The following APOL6 variants were observed in gnomAD, a reference collection of about 807,000 sequenced individuals.
APOL6 encodes apolipoprotein L6, also known as apolipoprotein L, 6.
APOL6 carries 1 observed loss-of-function variant against 2.4 expected under a neutral mutation model. The observed-to-expected ratio is 0.41, with a 90% CI of 0.15 to 1.94. APOL6 has a LOEUF of 1.94. Among genes scored for constraint, APOL6 ranks in the 30% most tolerant of loss-of-function variants. The probability of loss-of-function intolerance (pLI) is 0.30; values close to 1 mark genes in which losing one functional copy is unlikely to be tolerated. For missense variants in APOL6, 438 were observed against 429.2 expected (o/e 1.02, Z -0.18); for synonymous variants, 189 against 169.3 (o/e 1.12, Z -0.90).
At chr22:35,651,204 C>T (rs1305216516) in intron 1 of APOL6, among the ~76,000 whole-genome samples, 4 of 152,162 alleles carry the variant, frequency 2.6e-5, no homozygotes, top group African/African-American at 9.7e-5. Context: ...AAACAACAGA[C>T]ATTTAGTGTC....
intron 1 of APOL6, among the ~76,000 whole-genome samples, chr22:35,650,767 T>C (rs897298110): frequency 6.6e-6 from 1 of 151,960 alleles, no homozygotes; most frequent in Admixed American, 6.6e-5. Flanking sequence ...CCATCTCTAC[T>C]AAAAATACAA....
intron 2 of APOL6, among the ~76,000 whole-genome samples, chr22:35,658,201 C>G (rs1009420384): frequency 1.1e-4 from 16 of 152,114 alleles, no homozygotes; most frequent in African/African-American, 3.9e-4. Flanking sequence ...ACCACCTTGT[C>G]TTCTCTTTCT....
At position 35,661,521 on chromosome 22, in the gene APOL6, G is replaced by A. The variant is rs1164781729; in HGVS notation, c.*1925G>A. 6.6e-6 allele frequency: 1 copy of A among 152,150 alleles called. No homozygotes were observed. Among genetic ancestry groups the A allele is most frequent in the Non-Finnish European group, 1.5e-5 (1 of 68,040 alleles). The allele number at this position is 152,150 out of a possible 1,614,324, so 9.4% of individuals were successfully genotyped here. The stretch of plus-strand genomic sequence containing the variant: ...ATGGCATAGCCTACTGCATACCTAG[G>A]CTATATGGGAGAGCCTATTGCTCCC... On this transcript the variant is annotated 3_prime_UTR_variant, in exon 3 of 3. Coordinates refer to ENST00000409652, the MANE Select transcript of APOL6 (RefSeq NM_030641.4).
At chr22:35,651,548 TC>T (rs1164799665) in intron 1 of APOL6, among the ~76,000 whole-genome samples, 1 of 145,380 alleles carries the variant, frequency 6.9e-6, no homozygotes, top group Non-Finnish European at 1.5e-5. Context: ...CCCTCCCCAC[TC>T]CCCCCACCCC....
intron 1 of APOL6, among the ~76,000 whole-genome samples, chr22:35,649,727 C>T (rs1191614123): frequency 1.3e-5 from 2 of 151,664 alleles, no homozygotes; most frequent in East Asian, 3.9e-4. Flanking sequence ...GCCCTGCATC[C>T]CATAGGACTA....
At chr22:35,653,309 G>C (rs1252616920) in intron 1 of APOL6, among the ~76,000 whole-genome samples, 2 of 152,106 alleles carry the variant, frequency 1.3e-5, no homozygotes, top group Non-Finnish European at 2.9e-5. Context: ...TGAGACAATG[G>C]GGTTTTCTAG....
At position 35,659,358 on chromosome 22, in the gene APOL6, C is replaced by T. The variant is rs1423636635; in HGVS notation, c.794C>T (p.Thr265Ile). The T allele has an allele frequency of 6.2e-6, 10 of 1,613,810 alleles. No individual in the cohort carries two copies. Among genetic ancestry groups the T allele is most frequent in the Non-Finnish European group, 7.6e-6 (9 of 1,179,942 alleles). ...EWKHLKEGAR[T>I]KFAEELRAKA... ...AAGCACCTGAAGGAAGGAGCAAGGACAAAGTTTGCGGAAGAGTTGAGAGCC... is the reference window on the plus strand; with the variant it reads ...AAGCACCTGAAGGAAGGAGCAAGGATAAAGTTTGCGGAAGAGTTGAGAGCC... The change falls in exon 3 of 3, where the codon ACA (threonine) becomes ATA (isoleucine). Residue 265 changes from threonine (T) to isoleucine (I), a missense_variant. Thr to Ile is a moderately conservative substitution (Grantham distance 89, BLOSUM62 -1). Coordinates refer to ENST00000409652, the MANE Select transcript of APOL6 (RefSeq NM_030641.4).
chr22:35,665,750 C>G lies in APOL6; in HGVS notation c.*6154C>G. On this transcript the variant is annotated 3_prime_UTR_variant, in exon 3 of 3. Coordinates refer to ENST00000409652, the MANE Select transcript of APOL6 (RefSeq NM_030641.4). ...TTGTTTAGAAAGTTAAGTCACCTCT[C>G]TCAAAGAATGAAGGTTTTTGCTTTT... 1 of 152,192 alleles carries G rather than the reference C, an allele frequency of 6.6e-6. No homozygotes were observed. Among genetic ancestry groups the G allele is most frequent in the East Asian group, 1.9e-4 (1 of 5,202 alleles). 9.4% of individuals were successfully genotyped at this position (152,192 alleles called of 1,614,324 possible). A position where few individuals can be genotyped will look rare whatever the true frequency, so the allele number is the denominator to read the frequency against.
Position 35,666,648 on chromosome 22 carries a change from C to A in APOL6, c.*7052C>A, listed in dbSNP as rs1327791636. 6.6e-6 allele frequency: 1 copy of A among 152,098 alleles called. No homozygotes were observed. Among genetic ancestry groups the A allele is most frequent in the Non-Finnish European group, 1.5e-5 (1 of 68,040 alleles). 9.4% of individuals were successfully genotyped at this position (152,098 alleles called of 1,614,324 possible). On this transcript the variant is annotated 3_prime_UTR_variant, in exon 3 of 3. Transcript: ENST00000409652. Reference sequence around the variant, plus strand: ...AACAGGTGCTCTTACATGCAGGTTTCTGATAACTTTGGAGATTGTGACATC... The same window carrying A: ...AACAGGTGCTCTTACATGCAGGTTTATGATAACTTTGGAGATTGTGACATC...
rs753366134 is a variant in APOL6, at chr22:35,658,637, T to C, written c.73T>C (p.Cys25Arg). ...LQRDEDDAPL[C>R]EDVELQDGDL... ...CAGGGATGAGGATGACGCTCCTCTG[T>C]GTGAAGACGTGGAGCTACAAGACGG... Residue 25 changes from cysteine (C) to arginine (R), a missense_variant, in exon 3 of 3, where the codon TGT becomes CGT. Cys to Arg is a radical substitution (Grantham distance 180). Coordinates refer to ENST00000409652, the MANE Select transcript of APOL6 (RefSeq NM_030641.4). 6.2e-7 allele frequency: 1 copy of C among 1,613,024 alleles called. No individual in the cohort carries two copies. Among genetic ancestry groups the C allele is most frequent in the Non-Finnish European group, 8.5e-7 (1 of 1,179,424 alleles).
chr22:35,654,521 ACTCTCT>A (rs35425813), intron 1 of APOL6, among the ~76,000 whole-genome samples: 3,947 of 147,752 alleles, frequency 0.027, 88 homozygotes, highest in African/African-American at 0.051. Context: ...GGGGATAAGA[ACTCTCT>A]CTCTCTCTCT....
rs547755830 is a variant in APOL6, at chr22:35,660,517, A to T, written c.*921A>T. On this transcript the variant is annotated 3_prime_UTR_variant, in exon 3 of 3. Coordinates refer to ENST00000409652, the MANE Select transcript of APOL6 (RefSeq NM_030641.4). ...TTGTTATAGCAACCAAAGATGACTA[A>T]GCCAGACAGGTTATGTCACTCGCCA... The T allele has an allele frequency of 6.6e-6, 1 of 152,392 alleles. No homozygotes were observed. Among genetic ancestry groups the T allele is most frequent in the Admixed American group, 6.5e-5 (1 of 15,310 alleles). The allele number at this position is 152,392 out of a possible 1,614,324, so 9.4% of individuals were successfully genotyped here.
At chr22:35,654,582 A>G (rs1472870873) in intron 1 of APOL6, among the ~76,000 whole-genome samples, 3 of 151,460 alleles carry the variant, frequency 2.0e-5, no homozygotes. Flanking sequence ...ACACATACAC[A>G]CACATATATA....
At chr22:35,657,593 T>C (rs942383187) in intron 2 of APOL6, among the ~76,000 whole-genome samples, 1 of 152,186 alleles carries the variant, frequency 6.6e-6, no homozygotes, top group African/African-American at 2.4e-5. Flanking sequence ...GCCCACCCAA[T>C]GCTCCATCTT....
At chr22:35,649,983 A>G (rs1924645654) in intron 1 of APOL6, among the ~76,000 whole-genome samples, 1 of 152,278 alleles carries the variant, frequency 6.6e-6, no homozygotes, top group Non-Finnish European at 1.5e-5. Flanking sequence ...CTGAGGAGCA[A>G]ACACGCCCTG....
rs1003160690 is a variant in APOL6, at chr22:35,661,890, G to C, written c.*2294G>C. The C allele has an allele frequency of 1.3e-4, 20 of 152,180 alleles. No homozygotes were observed. Among genetic ancestry groups the C allele is most frequent in the African/African-American group, 4.6e-4 (19 of 41,442 alleles). 9.4% of individuals were successfully genotyped at this position (152,180 alleles called of 1,614,324 possible). A position where few individuals can be genotyped will look rare whatever the true frequency, so the allele number is the denominator to read the frequency against. ...ATATTAGGCAATAGGAATTTTTCAA[G>C]TCCACTATAAATCTTATCAAACCAT... On this transcript the variant is annotated 3_prime_UTR_variant, in exon 3 of 3. Transcript: ENST00000409652.
Position 35,662,203 on chromosome 22 carries a change from G to A in APOL6, c.*2607G>A, listed in dbSNP as rs1326333697. ...GGTGGGCAGCAGTGGGTCAGAGATA[G>A]ACCTTTGTTCTCTTATTTCTGAGGC... On this transcript the variant is annotated 3_prime_UTR_variant, in exon 3 of 3. Coordinates refer to ENST00000409652, the MANE Select transcript of APOL6 (RefSeq NM_030641.4). 1 of 152,144 alleles carries A rather than the reference G, an allele frequency of 6.6e-6. No individual in the cohort carries two copies. Among genetic ancestry groups the A allele is most frequent in the Non-Finnish European group, 1.5e-5 (1 of 68,030 alleles). The allele number at this position is 152,144 out of a possible 1,614,324, so 9.4% of individuals were successfully genotyped here. A position where few individuals can be genotyped will look rare whatever the true frequency, so the allele number is the denominator to read the frequency against.
At position 35,658,795 on chromosome 22, in the gene APOL6, T is replaced by C; in HGVS notation, c.231T>C (p.Ala77=). Residue 77 remains alanine, a synonymous_variant, in exon 3 of 3, where the codon GCT becomes GCC. Transcript: ENST00000409652. ...AAACCCACAAGAAATTCACCAAGGC[T>C]AACATGGTGGCCACCTCTACTGCTG... The part of the protein sequence containing the change: ...IDKTHKKFTK[A]NMVATSTAVI... 1.2e-6 allele frequency: 2 copies of C among 1,614,168 alleles called. No individual in the cohort carries two copies. The highest frequency in any genetic ancestry group is 1.7e-6 in the Non-Finnish European group (2 of 1,180,020).
At chr22:35,650,964 A>G (rs898415366) in intron 1 of APOL6, among the ~76,000 whole-genome samples, 2 of 151,974 alleles carry the variant, frequency 1.3e-5, no homozygotes, top group Admixed American at 6.6e-5. Flanking sequence ...AAAATAAAGA[A>G]TTTGTGTCCC....
Sources: allele counts gnomAD v4.1 joint callset (sites outside exome capture counted in the v4.1 genomes callset), GRCh38; gene constraint gnomAD v4.1.1; transcripts MANE v1.5; gene names NCBI Gene and HGNC (gene_info 2026-07-23, HGNC 2026-07-21).